IL1RAPL1: variants seen among roughly 807,000 people sequenced by gnomAD.
IL1RAPL1 encodes interleukin 1 receptor accessory protein like 1.
In IL1RAPL1, 3 loss-of-function variants were observed where a neutral mutation model predicts 48.4. The observed-to-expected ratio is 0.06, with a 90% CI of 0.03 to 0.16. The LOEUF is 0.16. Among genes scored for constraint, IL1RAPL1 ranks in the 10% least tolerant of loss-of-function variants. IL1RAPL1 has a pLI of 1.00. For missense variants in IL1RAPL1, 349 were observed against 530.6 expected, an observed-to-expected ratio of 0.66 and a Z score of 3.36; for synonymous variants, 185 against 187.7, an observed-to-expected ratio of 0.99 and a Z score of 0.12.
intron 3 of IL1RAPL1, among the ~76,000 whole-genome samples, chrX:29,344,110 A>G (rs1458288470): frequency 1.8e-5 from 2 of 112,422 alleles, no homozygotes; most frequent in Non-Finnish European, 3.8e-5. Flanking sequence ...AATAGCATGC[A>G]TTACTTTCTG....
chrX:28,699,488 T>C (rs904206447), intron 1 of IL1RAPL1, among the ~76,000 whole-genome samples: 1 of 112,459 alleles, frequency 8.9e-6, no homozygotes, highest in African/African-American at 3.2e-5. Flanking sequence ...TACATATGGA[T>C]ATGGGTGATA....
intron 2 of IL1RAPL1, among the ~76,000 whole-genome samples, chrX:29,147,968 A>C (rs1043886830): frequency 2.7e-5 from 3 of 111,720 alleles, no homozygotes; most frequent in African/African-American, 9.7e-5. Context: ...ACATGGTAGA[A>C]TTTTGTAAGA....
intron 2 of IL1RAPL1, among the ~76,000 whole-genome samples, chrX:28,924,370 G>A (rs1038426701): frequency 1.8e-5 from 2 of 111,803 alleles, no homozygotes; most frequent in Admixed American, 9.5e-5. Flanking sequence ...CCATTAATGA[G>A]TATCCATAAA....
chrX:28,933,837 G>A (rs1923946515), intron 2 of IL1RAPL1, among the ~76,000 whole-genome samples: 1 of 111,480 alleles, frequency 9.0e-6, no homozygotes, highest in South Asian at 3.8e-4. Context: ...TGGAACTGAG[G>A]GATCCTCCCC....
chrX:29,709,878 C>G (rs911024691), intron 6 of IL1RAPL1, among the ~76,000 whole-genome samples: 10 of 111,564 alleles, frequency 9.0e-5, no homozygotes, highest in African/African-American at 2.9e-4. Flanking sequence ...ACAGATCTTT[C>G]ACCTCTTTGG....
intron 3 of IL1RAPL1, among the ~76,000 whole-genome samples, chrX:29,354,131 T>A (rs893723631): frequency 1.8e-5 from 2 of 111,244 alleles, no homozygotes; most frequent in African/African-American, 6.5e-5. Context: ...ATTATTTTTT[T>A]TAATACATGA....
chrX:29,385,549 T>G (rs5928345), intron 3 of IL1RAPL1, among the ~76,000 whole-genome samples: 45,651 of 111,637 alleles, frequency 0.41, 8,296 homozygotes, highest in Middle Eastern at 0.58. Flanking sequence ...CTCTACTTTC[T>G]GTGTCTATGA....
intron 6 of IL1RAPL1, among the ~76,000 whole-genome samples, chrX:29,856,782 A>C (rs1251411678): frequency 8.9e-6 from 1 of 111,998 alleles, no homozygotes; most frequent in African/African-American, 3.2e-5. Flanking sequence ...TGGATAGTTT[A>C]TAAATTTATG....
At chrX:28,713,897 TAA>T (rs1362448901) in intron 1 of IL1RAPL1, among the ~76,000 whole-genome samples, 1 of 111,867 alleles carries the variant, frequency 8.9e-6, no homozygotes, top group African/African-American at 3.2e-5. Flanking sequence ...GATTGAAATG[TAA>T]AGTTTCAACT....
At chrX:29,327,035 T>A (rs1445252450) in intron 3 of IL1RAPL1, among the ~76,000 whole-genome samples, 1 of 111,505 alleles carries the variant, frequency 9.0e-6, no homozygotes, top group Non-Finnish European at 1.9e-5. Context: ...ACCCTAGAGG[T>A]TGCAATACCC....
intron 1 of IL1RAPL1, among the ~76,000 whole-genome samples, chrX:28,729,885 A>G (rs1935732741): frequency 9.0e-6 from 1 of 110,786 alleles, no homozygotes; most frequent in Non-Finnish European, 1.9e-5. Flanking sequence ...AGTCCCAGCT[A>G]CTCTGGAGGC....
chrX:29,384,471 A>G lies in IL1RAPL1; in HGVS notation c.363-11787A>G, dbSNP rs150284795. Among the ~76,000 whole-genome samples, 487 of 112,195 alleles carry G rather than the reference A, an allele frequency of 4.3e-3. 3 individuals carry two copies. Among genetic ancestry groups the G allele is most frequent in the African/African-American group, 0.015 (458 of 30,935 alleles). ...CAATGTTATGGAGGAGAAAATATAT[A>G]CCAATATAAAGAAAGAAGACAAAGA... is the stretch of plus-strand genomic sequence containing the variant. On this transcript the variant is annotated intron_variant, in intron 3 of 10. Transcript: ENST00000378993.
At chrX:28,852,721 T>C (rs1343737311) in intron 2 of IL1RAPL1, among the ~76,000 whole-genome samples, 1 of 111,578 alleles carries the variant, frequency 9.0e-6, no homozygotes, top group Admixed American at 9.5e-5. Context: ...GGCATTTTCT[T>C]ATTGGACTTG....
At chrX:28,960,938 A>G (rs373597634) in intron 2 of IL1RAPL1, among the ~76,000 whole-genome samples, 8 of 99,599 alleles carry the variant, frequency 8.0e-5, no homozygotes, top group East Asian at 7.1e-4. Context: ...TGAACCCAGG[A>G]GACGGAGCTT....
chrX:29,943,735 TC>T (rs1457565533), intron 9 of IL1RAPL1, among the ~76,000 whole-genome samples: 1 of 111,989 alleles, frequency 8.9e-6, no homozygotes, highest in Non-Finnish European at 1.9e-5. Context: ...AGGGCAGTAA[TC>T]TGTCATTTTC....
intron 5 of IL1RAPL1, among the ~76,000 whole-genome samples, chrX:29,483,272 A>G (rs1411983359): frequency 8.9e-6 from 1 of 111,882 alleles, no homozygotes; most frequent in Non-Finnish European, 1.9e-5. Context: ...TTGATCTCAG[A>G]ATGGAGAGTT....
chrX:28,889,391 T>G (rs1292410179), intron 2 of IL1RAPL1, among the ~76,000 whole-genome samples: 4 of 111,289 alleles, frequency 3.6e-5, no homozygotes, highest in African/African-American at 1.3e-4. Context: ...AGAAGAGAAT[T>G]TATAATAATG....
At chrX:29,341,761 G>GA (rs759124851) in intron 3 of IL1RAPL1, among the ~76,000 whole-genome samples, 254 of 111,040 alleles carry the variant, frequency 2.3e-3, no homozygotes, top group African/African-American at 8.1e-3. Flanking sequence ...GCTTAAAAAT[G>GA]AAAAAATGAA....
At chrX:28,782,628 A>G (rs1050099058) in intron 1 of IL1RAPL1, among the ~76,000 whole-genome samples, 3 of 112,013 alleles carry the variant, frequency 2.7e-5, no homozygotes, top group African/African-American at 9.7e-5. Flanking sequence ...TTATAGCCAT[A>G]ACCATGATTT....
Sources: gnomAD v4.1 joint callset for allele counts (sites outside exome capture counted in the v4.1 genomes callset) on GRCh38, gnomAD v4.1.1 for gene constraint, MANE v1.5 for transcripts, NCBI Gene and HGNC (gene_info 2026-07-23, HGNC 2026-07-21) for gene names.